The following KIF12 variants were observed in gnomAD, a reference collection of about 807,000 sequenced individuals.
The protein encoded by KIF12 is kinesin family member 12.
KIF12 carries 80 observed loss-of-function variants against 87.9 expected under a neutral mutation model. The ratio of observed to expected loss-of-function variants is 0.91; its 90% CI spans 0.76 to 1.10. The LOEUF (loss-of-function observed/expected upper bound fraction) is 1.10. Ranked by LOEUF, KIF12 falls within the 50% of genes least tolerant of loss-of-function variation. The pLI is 0.00. For synonymous variants in KIF12, 353 were observed against 348.5 expected (o/e 1.01, Z -0.14); for missense variants, 819 against 865.3 (o/e 0.95, Z 0.67).
intron 11 of KIF12, 22 bp from the exon 12 acceptor site, chr9:114,094,477 G>A (rs771939585): frequency 2.0e-6 from 3 of 1,477,332 alleles, no homozygotes; most frequent in East Asian, 4.5e-5. Flanking sequence ...GAGGCCCAGA[G>A]CCACCTTTAT....
At position 114,091,994 on chromosome 9, in the gene KIF12, G is replaced by C; in HGVS notation, c.1823C>G (p.Ala608Gly). 3.1e-6 allele frequency: 5 copies of C among 1,611,274 alleles called. No homozygotes were observed. Among genetic ancestry groups the C allele is most frequent in the Non-Finnish European group, 4.2e-6 (5 of 1,179,334 alleles). ...PKTSPGLRGG[A>G]GVPNLAQRLE... ...TCTCTGGGCCAGGTTTGGAACCCCG[G>C]CCCCACCTAAGGAGCAGTGAGACTC... The change falls in exon 19 of 19, where the codon GCC (alanine) becomes GGC (glycine). Residue 608 changes from alanine to glycine, a missense_variant. By Grantham distance (60) the Ala-to-Gly change is moderately conservative. Coordinates refer to ENST00000640217, the MANE Select transcript of KIF12 (RefSeq NM_001388308.1).
Position 114,097,323 on chromosome 9 carries a change from G to A in KIF12, c.624C>T (p.Ala208=), listed in dbSNP as rs752665061. The A allele has an allele frequency of 4.3e-6, 7 of 1,609,360 alleles. No homozygotes were observed. The South Asian group carries it at 5.5e-5, about 13-fold the overall frequency. ...CACCCGTTTGCAAAAGTTCCATCAG[G>A]GCCTCCAGACTCCCAAATTCCACCA... ...LRVVEFGSLE[A]LMELLQTGLS... is the part of the protein sequence containing the mutation. Residue 208 remains alanine (A), a synonymous_variant, in exon 7 of 19, where the codon GCC becomes GCT. Coordinates refer to ENST00000640217, the MANE Select transcript of KIF12 (RefSeq NM_001388308.1).
intron 3 of KIF12, 107 bp downstream of exon 3, chr9:114,098,828 G>T: frequency 7.7e-7 from 1 of 1,291,474 alleles, no homozygotes; most frequent in Non-Finnish European, 1.1e-6. Context: ...GCACCTGGGA[G>T]AGGACCACTC....
chr9:114,098,835 A>G, intron 3 of KIF12, 100 bp downstream of exon 3: 1 of 1,352,242 alleles, frequency 7.4e-7, no homozygotes. Flanking sequence ...GGAGAGGACC[A>G]CTCCGGGGGA....
In KIF12 at chr9:114,095,076, G is replaced by C. The variant is rs373902440; in HGVS notation, c.1066C>G (p.Leu356Val). 123 of 1,610,588 alleles carry C rather than the reference G, an allele frequency of 7.6e-5. No homozygotes were observed. Among genetic ancestry groups the C allele is most frequent in the Non-Finnish European group, 9.7e-5 (114 of 1,178,330 alleles). The change falls in exon 11 of 19, where the codon CTG becomes GTG. Residue 356 changes from leucine to valine, a missense_variant. Transcript: ENST00000640217. ...AQCLPETLST[L>V]RYASRAQRVT... is the part of the protein sequence containing the mutation. Reference sequence around the variant, plus strand: ...CGCTGAGCTCGGCTTGCATATCGCAGGGTGCTGAGAGTCTCAGGAAGGCAC... The same window carrying C: ...CGCTGAGCTCGGCTTGCATATCGCACGGTGCTGAGAGTCTCAGGAAGGCAC...
chr9:114,097,529 G>A, intron 6 of KIF12, 78 bp downstream of exon 6: 1 of 1,595,264 alleles, frequency 6.3e-7, no homozygotes, highest in Non-Finnish European at 8.5e-7. Flanking sequence ...CGCCTCTTCT[G>A]TCCTTTGATC....
Position 114,099,150 on chromosome 9 carries a change from C to T in KIF12, c.46G>A (p.Glu16Lys). The change falls in exon 2 of 19, where the codon GAG becomes AAG. Residue 16 changes from glutamate to lysine, a missense_variant. Coordinates refer to ENST00000640217, the MANE Select transcript of KIF12 (RefSeq NM_001388308.1). ...GTTTCCGGCCCCTCTGGCCCTTGCT[C>T]CAGGCTCCGCGCGAGATCCCTGTGG... ...SPDGDLARSLEQGPEGPETPI... is the reference protein window; with the variant it reads ...SPDGDLARSLKQGPEGPETPI... The T allele has an allele frequency of 2.6e-6, 4 of 1,550,688 alleles. No individual in the cohort carries two copies. Among genetic ancestry groups the T allele is most frequent in the South Asian group, 1.2e-5 (1 of 84,058 alleles).
rs138913715 is a variant in KIF12 at position 114,093,905 on chromosome 9, G to C, written c.1381C>G (p.Gln461Glu). 49 of 1,613,944 alleles carry C rather than the reference G, an allele frequency of 3.0e-5. No homozygotes were observed. Among genetic ancestry groups the C allele is most frequent in the Non-Finnish European group, 4.2e-5 (49 of 1,179,970 alleles). The change falls in exon 14 of 19, where the codon CAG (glutamine) becomes GAG (glutamate). Residue 461 changes from glutamine to glutamate, a missense_variant. Gln to Glu is a conservative substitution (Grantham distance 29). Coordinates refer to ENST00000640217, the MANE Select transcript of KIF12 (RefSeq NM_001388308.1). ...AQNEQRILAQ[Q>E]VHALERRLLS... is the part of the protein sequence containing the mutation. ...GCTTACCTCTCTAGTGCATGGACCT[G>C]CTGGGCCAGGATGCGCTGCTCATTC...
Position 114,091,768 on chromosome 9 carries a change from C to T in KIF12, c.*93G>A. ...CCAGCTGCAGGTGGAGTAGCAGCTGCTGTCTCCATTCAGCAGATGGGCAGA... is the reference window on the plus strand; with the variant it reads ...CCAGCTGCAGGTGGAGTAGCAGCTGTTGTCTCCATTCAGCAGATGGGCAGA... On this transcript the variant is annotated 3_prime_UTR_variant, in exon 19 of 19. Coordinates refer to ENST00000640217, the MANE Select transcript of KIF12 (RefSeq NM_001388308.1). 3 of 1,318,614 alleles carry T rather than the reference C, an allele frequency of 2.3e-6. No homozygotes were observed. Among genetic ancestry groups the T allele is most frequent in the Non-Finnish European group, 3.1e-6 (3 of 979,758 alleles). 81.7% of individuals were successfully genotyped at this position (1,318,614 alleles called of 1,614,324 possible).
At position 114,095,216 on chromosome 9, in the gene KIF12, T is replaced by A. The variant is rs1369446410; in HGVS notation, c.1012A>T (p.Met338Leu). Residue 338 changes from methionine (M) to leucine (L), a missense_variant and splice_region_variant, in exon 10 of 19, where the codon ATG becomes TTG. By Grantham distance (15) the Met-to-Leu change is conservative (BLOSUM62 2). Coordinates refer to ENST00000640217, the MANE Select transcript of KIF12 (RefSeq NM_001388308.1). ...CCTGCCAGGCCCCGCTTAAGTACCA[T>A]GAGGGTGACCCCGCGCCCTCCCAGT... is the stretch of plus-strand genomic sequence containing the variant. ...DSLGGRGVTL[M>L]VACVSPSAQC... The A allele has an allele frequency of 1.9e-6, 3 of 1,613,618 alleles. No homozygotes were observed. In the African/African-American group the frequency reaches 4.0e-5, roughly 22 times the overall value.
intron 3 of KIF12, 79 bp from the exon 4 acceptor site, chr9:114,098,508 G>T: frequency 9.7e-7 from 1 of 1,034,072 alleles, no homozygotes; most frequent in Non-Finnish European, 1.3e-6. Flanking sequence ...CCGTGGAGGA[G>T]GGCGGGGCAC....
chr9:114,098,977 C>CCCTCGACGCAGCTCGGCCGCG lies in KIF12; in HGVS notation c.108_128dup (p.Ala37_Gly43dup). 6.5e-7 allele frequency: 1 copy of CCCTCGACGCAGCTCGGCCGCG among 1,550,232 alleles called. No homozygotes were observed. Among genetic ancestry groups the CCCTCGACGCAGCTCGGCCGCG allele is most frequent in the Non-Finnish European group, 8.7e-7 (1 of 1,146,800 alleles). ...CTGAGCAGTGCAGCACGCTCTGCTG[C>CCCTCGACGCAGCTCGGCCGCG]CCTCGACGCAGCTCGGCCGCGCTCA... On this transcript the variant is annotated inframe_insertion, in exon 3 of 19. Transcript: ENST00000640217.
chr9:114,098,830 G>C (rs1847360379), intron 3 of KIF12, 105 bp downstream of exon 3: 1 of 1,308,728 alleles, frequency 7.6e-7, no homozygotes, highest in Non-Finnish European at 1.0e-6. Context: ...ACCTGGGAGA[G>C]GACCACTCCG....
At chr9:114,094,522 G>A (rs571139806) in intron 11 of KIF12, 67 bp from the exon 12 acceptor site, 138 of 934,508 alleles carry the variant, frequency 1.5e-4, no homozygotes, top group South Asian at 1.2e-3. Context: ...AAGAACTTCC[G>A]GGTGTGGGAA....
Position 114,091,938 on chromosome 9 carries a change from A to T in KIF12, c.1879T>A (p.Ser627Thr). Residue 627 changes from serine (S) to threonine (T), a missense_variant, in exon 19 of 19, where the codon TCC becomes ACC. Physicochemically the swap from Ser to Thr is moderately conservative, Grantham distance 58. Coordinates refer to ENST00000640217, the MANE Select transcript of KIF12 (RefSeq NM_001388308.1). Reference sequence around the variant, plus strand: ...GGCTGGCTGCGGCCACGTCGCAGGGAGCTGCCAATCTGGTCTCTGAGGGCC... The same window carrying T: ...GGCTGGCTGCGGCCACGTCGCAGGGTGCTGCCAATCTGGTCTCTGAGGGCC... ...LEALRDQIGSSLRRGRSQPPC... is the reference protein window; with the variant it reads ...LEALRDQIGSTLRRGRSQPPC... The T allele has an allele frequency of 6.2e-7, 1 of 1,612,332 alleles. No individual in the cohort carries two copies. The highest frequency in any genetic ancestry group is 1.7e-5 in the Admixed American group (1 of 59,982).
At chr9:114,094,542 G>T in intron 11 of KIF12, 87 bp from the exon 12 acceptor site, 1 of 764,518 alleles carries the variant, frequency 1.3e-6, no homozygotes, top group Non-Finnish European at 2.2e-6. Context: ...AGTAACTGGG[G>T]CCTAAAATCC....
chr9:114,091,646 G>A lies in KIF12; in HGVS notation c.*215C>T. Reference sequence around the variant, plus strand: ...GATAGAACCAACCAGACTTGGAGCTGATGCCTCTCTTTATTCATGTATTTC... The same window carrying A: ...GATAGAACCAACCAGACTTGGAGCTAATGCCTCTCTTTATTCATGTATTTC... On this transcript the variant is annotated 3_prime_UTR_variant, in exon 19 of 19. Coordinates refer to ENST00000640217, the MANE Select transcript of KIF12 (RefSeq NM_001388308.1). 1 of 502,816 alleles carries A rather than the reference G, an allele frequency of 2.0e-6. No homozygotes were observed. The highest frequency in any genetic ancestry group is 3.5e-6 in the Non-Finnish European group (1 of 288,116). The allele number at this position is 502,816 out of a possible 1,614,324, so 31.1% of individuals were successfully genotyped here.
At chr9:114,094,875 A>G in intron 11 of KIF12, 148 bp downstream of exon 11, 1 of 723,568 alleles carries the variant, frequency 1.4e-6, no homozygotes, top group Non-Finnish European at 2.2e-6. Flanking sequence ...CCCATCCTAT[A>G]CAACCATGAT....
chr9:114,099,030 G>A lies in KIF12; in HGVS notation c.93-17C>T, dbSNP rs1847369739. On this transcript the variant is annotated splice_polypyrimidine_tract_variant and intron_variant, in intron 2 of 18. Coordinates refer to ENST00000640217, the MANE Select transcript of KIF12 (RefSeq NM_001388308.1). ...GGACGTACCCTGGGGTCCGACAGAA[G>A]GGCAGATGGTACATCCTGATGTCTT... 8 of 1,550,270 alleles carry A rather than the reference G, an allele frequency of 5.2e-6. No individual in the cohort carries two copies. Among genetic ancestry groups the A allele is most frequent in the African/African-American group, 1.4e-5 (1 of 73,006 alleles).
Sources: gnomAD v4.1 joint callset for allele counts on GRCh38, gnomAD v4.1.1 for gene constraint, MANE v1.5 for transcripts, NCBI Gene and HGNC (gene_info 2026-07-23, HGNC 2026-07-21) for gene names.